STARD13: variants seen among roughly 807,000 people sequenced by gnomAD.
The protein encoded by STARD13 is stAR-related lipid transfer protein 13.
In STARD13, 62 loss-of-function variants were observed where a neutral mutation model predicts 106.4. That is an observed-to-expected ratio of 0.58 (90% confidence interval 0.48 to 0.72). STARD13 has a LOEUF of 0.72. STARD13 is among the 30% of genes least tolerant of loss of function. STARD13 has a pLI of 0.00. For synonymous variants in STARD13, 565 were observed against 553.0 expected (o/e 1.02, Z -0.31); for missense variants, 1,387 against 1,424.0 (o/e 0.97, Z 0.42).
chr13:33,364,864 G>C, the STARD13 span, among the ~76,000 whole-genome samples: 2 of 152,116 alleles, frequency 1.3e-5, no homozygotes, highest in Admixed American at 1.3e-4. Context: ...ACTCCAGCCT[G>C]GGAGACAGAG....
At chr13:33,570,805 A>G in the STARD13 span, among the ~76,000 whole-genome samples, 1 of 152,174 alleles carries the variant, frequency 6.6e-6, no homozygotes, top group African/African-American at 2.4e-5. Context: ...TGTCACACAT[A>G]TGGAGTTCTC....
the STARD13 span, among the ~76,000 whole-genome samples, chr13:33,400,214 A>G: frequency 6.6e-6 from 1 of 152,222 alleles, no homozygotes; most frequent in Admixed American, 6.5e-5. Flanking sequence ...TATATAAGTT[A>G]GAGCACACAG....
chr13:33,590,000 A>G, the STARD13 span, among the ~76,000 whole-genome samples: 2 of 152,158 alleles, frequency 1.3e-5, no homozygotes, highest in African/African-American at 4.8e-5. Context: ...GGGTGCATAT[A>G]TATTTAGGAT....
At chr13:33,330,245 GC>G (rs1407293874) in intron 1 of STARD13, among the ~76,000 whole-genome samples, 1 of 152,124 alleles carries the variant, frequency 6.6e-6, no homozygotes. Context: ...CCACATCTTT[GC>G]CGACATTTGC....
intron 1 of STARD13, among the ~76,000 whole-genome samples, chr13:33,274,542 C>G (rs1239634733): frequency 1.3e-5 from 2 of 152,116 alleles, no homozygotes; most frequent in Non-Finnish European, 2.9e-5. Context: ...AAAGCATTAC[C>G]ATGTTTTATA....
upstream of STARD13, among the ~76,000 whole-genome samples, chr13:33,288,703 C>T (rs1892173253): frequency 6.6e-6 from 1 of 151,522 alleles, no homozygotes; most frequent in Non-Finnish European, 1.5e-5. Context: ...GGAAGGATCA[C>T]ATATCAACAT....
At chr13:33,194,193 G>A (rs1886451839) in intron 1 of STARD13, among the ~76,000 whole-genome samples, 1 of 152,042 alleles carries the variant, frequency 6.6e-6, no homozygotes, top group Admixed American at 6.6e-5. Context: ...AAAGTCACAC[G>A]GAGAAGGCAA....
At chr13:33,448,948 T>A in the STARD13 span, among the ~76,000 whole-genome samples, 1 of 152,088 alleles carries the variant, frequency 6.6e-6, no homozygotes, top group East Asian at 1.9e-4. Flanking sequence ...GTTGTTGTTG[T>A]TGAGTTGTTT....
the STARD13 span, among the ~76,000 whole-genome samples, chr13:33,502,596 G>T: frequency 6.6e-6 from 1 of 152,144 alleles, no homozygotes; most frequent in South Asian, 2.1e-4. Flanking sequence ...TAGCATGAAG[G>T]GCTGTTGAAT....
the STARD13 span, among the ~76,000 whole-genome samples, chr13:33,514,491 G>C: frequency 6.6e-6 from 1 of 152,146 alleles, no homozygotes. Flanking sequence ...TGGTCTGGGA[G>C]AGAGGGTGGC....
At chr13:33,325,164 C>A (rs1174262805) in intron 1 of STARD13, among the ~76,000 whole-genome samples, 1 of 152,132 alleles carries the variant, frequency 6.6e-6, no homozygotes, top group African/African-American at 2.4e-5. Flanking sequence ...CATTTTCCCC[C>A]CAAATCCTCA....
chr13:33,446,141 G>A, the STARD13 span, among the ~76,000 whole-genome samples: 16 of 151,718 alleles, frequency 1.1e-4, no homozygotes, highest in African/African-American at 3.7e-4. Flanking sequence ...ATCAGTTGAT[G>A]AAGAAGTAAA....
At chr13:33,168,608 C>T (rs1190976349) in intron 1 of STARD13, among the ~76,000 whole-genome samples, 3 of 152,186 alleles carry the variant, frequency 2.0e-5, no homozygotes, top group Non-Finnish European at 2.9e-5. Flanking sequence ...CCCTTTCCTC[C>T]GCTGTTAGGA....
chr13:33,343,590 A>AAAAAAAAC (rs1566150489), intron 1 of STARD13, among the ~76,000 whole-genome samples: 3 of 94,842 alleles, frequency 3.2e-5, no homozygotes, highest in South Asian at 4.2e-4. Flanking sequence ...AAAAAAAAAA[A>AAAAAAAAC]AAAAAAACAA....
intron 1 of STARD13, among the ~76,000 whole-genome samples, chr13:33,314,980 T>TA (rs1555261483): frequency 2.0e-5 from 3 of 152,046 alleles, no homozygotes; most frequent in South Asian, 2.1e-4. Flanking sequence ...ACACTTTTTT[T>TA]AAAAAAAAGT....
At chr13:33,471,819 A>G in the STARD13 span, among the ~76,000 whole-genome samples, 2 of 152,226 alleles carry the variant, frequency 1.3e-5, no homozygotes, top group Admixed American at 1.3e-4. Context: ...GCCAAGCTGC[A>G]TTATAGATAC....
intron 1 of STARD13, among the ~76,000 whole-genome samples, chr13:33,238,433 G>C (rs7984091): frequency 0.38 from 58,120 of 151,960 alleles, 11,504 homozygotes; most frequent in Admixed American, 0.45. Context: ...TCCCCCAAAA[G>C]GTAAAGTGAG....
intron 1 of STARD13, among the ~76,000 whole-genome samples, chr13:33,294,230 G>A (rs1892404163): frequency 6.6e-6 from 1 of 152,246 alleles, no homozygotes. Context: ...CAGCGGCACT[G>A]AGCCAGCTAC....
intron 1 of STARD13, among the ~76,000 whole-genome samples, chr13:33,292,986 C>T (rs1042152457): frequency 6.6e-5 from 10 of 152,174 alleles, no homozygotes; most frequent in African/African-American, 1.7e-4. Flanking sequence ...GCCTCCTCCA[C>T]GTTGCTGCCT....
Sources: gnomAD v4.1 joint callset for allele counts (sites outside exome capture counted in the v4.1 genomes callset) on GRCh38, gnomAD v4.1.1 for gene constraint, MANE v1.5 for transcripts, NCBI Gene and HGNC (gene_info 2026-07-23, HGNC 2026-07-21) for gene names.